The following PDE4B variants were observed in gnomAD, a reference collection of about 807,000 sequenced individuals.
The protein encoded by PDE4B is 3',5'-cyclic-AMP phosphodiesterase 4B.
A neutral mutation model predicts 82.2 loss-of-function variants in PDE4B; 20 were observed. The observed-to-expected ratio is 0.24, with a 90% CI of 0.17 to 0.35. The LOEUF (loss-of-function observed/expected upper bound fraction) is 0.35. PDE4B is among the 10% of genes least tolerant of loss of function. The pLI is 1.00. For synonymous variants in PDE4B, 320 were observed against 318.9 expected, an observed-to-expected ratio of 1.00 and a Z score of -0.04; for missense variants, 655 against 907.2, an observed-to-expected ratio of 0.72 and a Z score of 3.57.
At chr1:66,321,899 G>A (rs981832218) in intron 7 of PDE4B, among the ~76,000 whole-genome samples, 10 of 151,892 alleles carry the variant, frequency 6.6e-5, no homozygotes, top group East Asian at 1.9e-4. Context: ...AGCTGGAGGC[G>A]TTATGCTACC....
rs372118276 is a variant in PDE4B, at chr1:65,934,202, G to A, written c.281+15367G>A. Among the ~76,000 whole-genome samples, 3 of 152,274 alleles carry A rather than the reference G, an allele frequency of 2.0e-5. No homozygotes were observed. In the East Asian group the frequency reaches 5.8e-4, roughly 29 times the overall value. ...AAAGGAAGACAGCATGAGAGAGTAA[G>A]ACATAGGAGGTCAAGGTAGGAGGAT... On this transcript the variant is annotated intron_variant, in intron 3 of 16. Transcript: ENST00000341517.
chr1:66,153,748 T>C (rs1018257841), intron 3 of PDE4B, among the ~76,000 whole-genome samples: 2 of 152,158 alleles, frequency 1.3e-5, no homozygotes, highest in African/African-American at 2.4e-5. Context: ...TCACTTTCCT[T>C]TTAGTATCTC....
chr1:65,950,247 G>T (rs948932342), intron 3 of PDE4B, among the ~76,000 whole-genome samples: 1 of 151,856 alleles, frequency 6.6e-6, no homozygotes, highest in Non-Finnish European at 1.5e-5. Flanking sequence ...CTATTGCACC[G>T]CTTCCACCTG....
At chr1:65,812,414 C>T (rs1350219292) in intron 1 of PDE4B, among the ~76,000 whole-genome samples, 3 of 152,166 alleles carry the variant, frequency 2.0e-5, no homozygotes, top group African/African-American at 7.2e-5. Context: ...CAGCATTTCT[C>T]ACCTGCTGCT....
intron 1 of PDE4B, among the ~76,000 whole-genome samples, chr1:65,905,903 G>T (rs1428632051): frequency 1.3e-5 from 2 of 152,108 alleles, no homozygotes; most frequent in Non-Finnish European, 2.9e-5. Flanking sequence ...TAAGGCCAAG[G>T]ACTATGTATA....
intron 7 of PDE4B, among the ~76,000 whole-genome samples, chr1:66,282,127 T>C (rs552328541): frequency 1.4e-4 from 22 of 152,356 alleles, no homozygotes; most frequent in African/African-American, 4.6e-4. Context: ...CAGCTGTCTC[T>C]GAACAATACC....
intron 3 of PDE4B, among the ~76,000 whole-genome samples, chr1:66,082,298 A>G (rs934268315): frequency 2.2e-4 from 34 of 152,108 alleles, no homozygotes; most frequent in Admixed American, 2.0e-3. Context: ...CTCCTTGCTT[A>G]TCCACAGTAG....
intron 3 of PDE4B, among the ~76,000 whole-genome samples, chr1:65,958,912 T>A (rs1380726848): frequency 6.6e-6 from 1 of 152,204 alleles, no homozygotes; most frequent in African/African-American, 2.4e-5. Flanking sequence ...TTGAAACAAA[T>A]GTTCGTAACT....
chr1:66,223,782 C>CT, intron 3 of PDE4B, among the ~76,000 whole-genome samples: 1 of 152,172 alleles, frequency 6.6e-6, no homozygotes, highest in South Asian at 2.1e-4. Context: ...AAAAACCTTG[C>CT]TTTTTTGAAG....
chr1:66,034,332 A>G (rs1192865857), intron 3 of PDE4B, among the ~76,000 whole-genome samples: 1 of 152,220 alleles, frequency 6.6e-6, no homozygotes, highest in Non-Finnish European at 1.5e-5. Flanking sequence ...TTTACAGGAG[A>G]GGTTTTTTGC....
chr1:66,322,885 T>A (rs1016905615), intron 7 of PDE4B, among the ~76,000 whole-genome samples: 2 of 152,082 alleles, frequency 1.3e-5, no homozygotes. Flanking sequence ...CTTACCCCCA[T>A]TTTAGAGATG....
At chr1:65,862,608 A>C (rs1646466598) in intron 1 of PDE4B, among the ~76,000 whole-genome samples, 1 of 152,182 alleles carries the variant, frequency 6.6e-6, no homozygotes, top group Non-Finnish European at 1.5e-5. Flanking sequence ...TGTTTGGAAT[A>C]GTTTCAGAAG....
At chr1:66,153,755 T>A (rs1646448738) in intron 3 of PDE4B, among the ~76,000 whole-genome samples, 1 of 152,116 alleles carries the variant, frequency 6.6e-6, no homozygotes, top group Admixed American at 6.5e-5. Context: ...CCTTTTAGTA[T>A]CTCCTTACCT....
At chr1:65,833,402 C>A (rs1176672512) in intron 1 of PDE4B, among the ~76,000 whole-genome samples, 1 of 152,118 alleles carries the variant, frequency 6.6e-6, no homozygotes, top group Non-Finnish European at 1.5e-5. Context: ...ATTTGTAGAA[C>A]CTCTAAAGCA....
intron 3 of PDE4B, among the ~76,000 whole-genome samples, chr1:66,084,597 C>T (rs1656910246): frequency 6.6e-6 from 1 of 152,096 alleles, no homozygotes; most frequent in Non-Finnish European, 1.5e-5. Flanking sequence ...GAAACTCATC[C>T]AGTAGAAGGG....
At chr1:65,906,308 G>A (rs1275357942) in intron 1 of PDE4B, among the ~76,000 whole-genome samples, 1 of 152,070 alleles carries the variant, frequency 6.6e-6, no homozygotes, top group Non-Finnish European at 1.5e-5. Flanking sequence ...CTCCACTAAT[G>A]CCATCTTCAC....
chr1:65,850,243 C>G (rs1021111087), intron 1 of PDE4B, among the ~76,000 whole-genome samples: 1 of 151,338 alleles, frequency 6.6e-6, no homozygotes, highest in African/African-American at 2.4e-5. Context: ...ATTACAGGCG[C>G]CTGCCACCAT....
At chr1:66,241,724 C>T (rs905486941) in intron 3 of PDE4B, among the ~76,000 whole-genome samples, 2 of 152,082 alleles carry the variant, frequency 1.3e-5, no homozygotes, top group African/African-American at 4.8e-5. Flanking sequence ...CCTACCCCCA[C>T]AACACACACA....
intron 3 of PDE4B, among the ~76,000 whole-genome samples, chr1:66,157,375 T>C (rs1204386473): frequency 6.6e-6 from 1 of 152,222 alleles, no homozygotes; most frequent in Non-Finnish European, 1.5e-5. Context: ...GCAGCCAAAG[T>C]GATACTTTCA....
Sources: gnomAD v4.1 joint callset for allele counts (sites outside exome capture counted in the v4.1 genomes callset) on GRCh38, gnomAD v4.1.1 for gene constraint, MANE v1.5 for transcripts, NCBI Gene and HGNC (gene_info 2026-07-23, HGNC 2026-07-21) for gene names.